The following EXOC4 variants were observed in gnomAD, a reference collection of about 807,000 sequenced individuals.
EXOC4 encodes SEC8-like 1.
EXOC4 carries 71 observed loss-of-function variants against 107.2 expected under a neutral mutation model. The ratio of observed to expected loss-of-function variants is 0.66; its 90% confidence interval spans 0.55 to 0.81. The LOEUF is 0.81. Ranked by LOEUF, EXOC4 falls within the 30% of genes least tolerant of loss-of-function variation. EXOC4 has a pLI of 0.00. For missense variants in EXOC4, 1,108 were observed against 1,189.6 expected, an observed-to-expected ratio of 0.93 and a Z score of 1.01; for synonymous variants, 456 against 441.2, an observed-to-expected ratio of 1.03 and a Z score of -0.42.
intron 5 of EXOC4, among the ~76,000 whole-genome samples, chr7:133,351,826 T>C (rs1795918181): frequency 6.6e-6 from 1 of 151,952 alleles, no homozygotes; most frequent in African/African-American, 2.4e-5. Context: ...TATAAATTTC[T>C]CCTTTTTTGC....
downstream of EXOC4, among the ~76,000 whole-genome samples, chr7:134,068,429 A>G (rs903685758): frequency 1.3e-5 from 2 of 152,164 alleles, no homozygotes; most frequent in African/African-American, 4.8e-5. Flanking sequence ...CTCCTTGCCT[A>G]CTGCCATGTA....
intron 10 of EXOC4, among the ~76,000 whole-genome samples, chr7:133,724,220 T>C (rs139248717): frequency 1.3e-5 from 2 of 152,320 alleles, no homozygotes; most frequent in Non-Finnish European, 2.9e-5. Flanking sequence ...ATTTCAAAAG[T>C]CTTACAGTCT....
intron 17 of EXOC4, among the ~76,000 whole-genome samples, chr7:134,063,686 A>T (rs1302249794): frequency 6.6e-6 from 1 of 152,172 alleles, no homozygotes; most frequent in Non-Finnish European, 1.5e-5. Context: ...TGTCTTGCCC[A>T]TCCTTATATA....
At chr7:133,703,964 A>G (rs928215483) in intron 10 of EXOC4, among the ~76,000 whole-genome samples, 30 of 152,354 alleles carry the variant, frequency 2.0e-4, no homozygotes, top group Admixed American at 7.8e-4. Flanking sequence ...TTAAGTTTCT[A>G]TAAGTAGCCT....
At chr7:133,801,119 A>C (rs1796931795) in intron 10 of EXOC4, among the ~76,000 whole-genome samples, 3 of 152,178 alleles carry the variant, frequency 2.0e-5, no homozygotes, top group Non-Finnish European at 4.4e-5. Flanking sequence ...ACCTCCACTG[A>C]GGTGCCTATT....
intron 9 of EXOC4, among the ~76,000 whole-genome samples, chr7:133,613,660 C>G (rs1802123817): frequency 6.6e-6 from 1 of 151,764 alleles, no homozygotes; most frequent in Non-Finnish European, 1.5e-5. Context: ...AGGTCTGCAG[C>G]TGTGGTTTCT....
intron 17 of EXOC4, among the ~76,000 whole-genome samples, chr7:134,016,790 G>T (rs1794918450): frequency 6.6e-6 from 1 of 152,180 alleles, no homozygotes; most frequent in South Asian, 2.1e-4. Flanking sequence ...TTTTCTGCAG[G>T]AAAGGTTGTG....
At chr7:134,064,090 G>A (rs10273530) in intron 17 of EXOC4, among the ~76,000 whole-genome samples, 4,320 of 152,248 alleles carry the variant, frequency 0.028, 184 homozygotes, top group African/African-American at 0.093. Context: ...GACTTCTCCT[G>A]AAGAGAGCTC....
At chr7:133,754,263 G>C (rs1047611182) in intron 10 of EXOC4, among the ~76,000 whole-genome samples, 6 of 152,200 alleles carry the variant, frequency 3.9e-5, no homozygotes, top group Non-Finnish European at 8.8e-5. Flanking sequence ...GCCTTTCTCT[G>C]AGCTAGAGAC....
chr7:133,825,641 C>T (rs542989422), intron 11 of EXOC4, among the ~76,000 whole-genome samples: 1 of 152,284 alleles, frequency 6.6e-6, no homozygotes, highest in African/African-American at 2.4e-5. Flanking sequence ...GCAGCAGTAG[C>T]GTATTGTTTT....
intron 17 of EXOC4, among the ~76,000 whole-genome samples, chr7:134,057,935 C>G (rs568790042): frequency 1.1e-4 from 17 of 152,292 alleles, no homozygotes; most frequent in Admixed American, 7.2e-4. Flanking sequence ...AAAGACTTAA[C>G]CAGAATCTGA....
chr7:133,704,661 T>C (rs2151090274), intron 10 of EXOC4, among the ~76,000 whole-genome samples: 1 of 152,326 alleles, frequency 6.6e-6, no homozygotes, highest in South Asian at 2.1e-4. Flanking sequence ...AGTGTGCTTT[T>C]ATGGGAGGGA....
chr7:133,361,763 G>A (rs1033536808), intron 6 of EXOC4, among the ~76,000 whole-genome samples: 1 of 152,110 alleles, frequency 6.6e-6, no homozygotes, highest in Non-Finnish European at 1.5e-5. Context: ...AAAGTAACTT[G>A]TCATGATATC....
At chr7:133,743,777 G>A (rs1251878848) in intron 10 of EXOC4, among the ~76,000 whole-genome samples, 1 of 152,184 alleles carries the variant, frequency 6.6e-6, no homozygotes, top group African/African-American at 2.4e-5. Context: ...GTGTGAAGGA[G>A]TCTAATCTTT....
chr7:133,684,299 G>A (rs539692824), intron 10 of EXOC4, among the ~76,000 whole-genome samples: 2 of 152,254 alleles, frequency 1.3e-5, no homozygotes, highest in South Asian at 4.1e-4. Context: ...GTTGTGCAAT[G>A]CGCTCATAAC....
chr7:133,610,925 C>T (rs1802062118), intron 9 of EXOC4, among the ~76,000 whole-genome samples: 1 of 151,592 alleles, frequency 6.6e-6, no homozygotes, highest in Non-Finnish European at 1.5e-5. Context: ...AGTCCTCCCA[C>T]CTCAGCCTCC....
intron 7 of EXOC4, among the ~76,000 whole-genome samples, chr7:133,402,383 C>T (rs567369793): frequency 7.2e-5 from 11 of 152,334 alleles, no homozygotes; most frequent in South Asian, 6.2e-4. Flanking sequence ...TCTCCTAATT[C>T]GGTGCTTCTC....
chr7:133,755,273 TTATA>T (rs1286837716), intron 10 of EXOC4, among the ~76,000 whole-genome samples: 1 of 103,734 alleles, frequency 9.6e-6, no homozygotes, highest in South Asian at 2.7e-4. Context: ...ATTATATATA[TTATA>T]TATATTATAT....
intron 7 of EXOC4, among the ~76,000 whole-genome samples, chr7:133,446,396 T>G (rs188348300): frequency 6.6e-6 from 1 of 152,350 alleles, no homozygotes; most frequent in Admixed American, 6.5e-5. Context: ...AATTGTGTTT[T>G]TGAATGGTTA....
Sources: allele counts gnomAD v4.1 joint callset (sites outside exome capture counted in the v4.1 genomes callset), GRCh38; gene constraint gnomAD v4.1.1; transcripts MANE v1.5; gene names NCBI Gene and HGNC (gene_info 2026-07-23, HGNC 2026-07-21).